Variants in ITGB3 observed in about 807,000 individuals in gnomAD.
The protein encoded by ITGB3 is integrin beta-3.
A neutral mutation model predicts 85.8 loss-of-function variants in ITGB3; 48 were observed. The observed-to-expected ratio is 0.56, with a 90% CI of 0.44 to 0.71. The LOEUF is 0.71. Among genes scored for constraint, ITGB3 ranks in the 30% least tolerant of loss-of-function variants. The pLI is 0.00. For synonymous variants in ITGB3, 363 were observed against 395.6 expected, an observed-to-expected ratio of 0.92 and a Z score of 0.98; for missense variants, 861 against 1,019.1, an observed-to-expected ratio of 0.84 and a Z score of 2.11.
intron 1 of ITGB3, among the ~76,000 whole-genome samples, chr17:47,263,637 G>A (rs1033389130): frequency 3.9e-5 from 6 of 152,096 alleles, no homozygotes; most frequent in South Asian, 2.1e-4. Context: ...TTACAGGTGC[G>A]TGCCACCATG....
In ITGB3 at chr17:47,286,323, G is replaced by A. The variant is rs201877624; in HGVS notation, c.678G>A (p.Val226=). ...ACGTGCTGACGCTAACTGACCAGGT[G>A]ACCCGCTTCAATGAGGAAGTGAAGA... ...YKHVLTLTDQ[V]TRFNEEVKKQ... The change falls in exon 5 of 15, where the codon GTG becomes GTA. Residue 226 remains valine (V), a synonymous_variant. Transcript: ENST00000559488. 1.1e-5 allele frequency: 17 copies of A among 1,614,204 alleles called. No individual in the cohort carries two copies. In the Admixed American group the frequency reaches 2.0e-4, roughly 19 times the overall value.
chr17:47,255,199 G>C (rs2064984706), intron 1 of ITGB3, among the ~76,000 whole-genome samples: 2 of 151,914 alleles, frequency 1.3e-5, no homozygotes, highest in Admixed American at 1.3e-4. Flanking sequence ...GGCTGGTCTG[G>C]AGCTCCTGGC....
rs1379660594 is a variant in ITGB3, at chr17:47,303,277, C to CA, written c.2134+446dup. On this transcript the variant is annotated intron_variant, in intron 13 of 14. Transcript: ENST00000559488. Reference sequence around the variant, plus strand: ...AAAAACAAACAAACAACAACAACAACAAAAAAAAACGATAAGTTAGGGACC... The same window carrying CA: ...AAAAACAAACAAACAACAACAACAACAAAAAAAAAACGATAAGTTAGGGACC... Among the ~76,000 whole-genome samples, 208 of 148,750 alleles carry CA rather than the reference C, an allele frequency of 1.4e-3. No individual in the cohort carries two copies. In the Middle Eastern group the frequency reaches 0.017, roughly 12 times the overall value.
At chr17:47,289,527 G>A (rs1006424245) in intron 6 of ITGB3, among the ~76,000 whole-genome samples, 154 bp from the exon 7 acceptor site, 18 of 152,118 alleles carry the variant, frequency 1.2e-4, no homozygotes, top group Non-Finnish European at 2.5e-4. Context: ...GTCTTGCTAT[G>A]TTGCCCAGGC....
At chr17:47,272,119 T>C (rs2065046243) in intron 1 of ITGB3, among the ~76,000 whole-genome samples, 1 of 140,026 alleles carries the variant, frequency 7.1e-6, no homozygotes, top group African/African-American at 2.7e-5. Context: ...GCAGTGACAC[T>C]ATCTTGGCTC....
intron 12 of ITGB3, among the ~76,000 whole-genome samples, chr17:47,301,098 C>G (rs1319848185): frequency 6.6e-6 from 1 of 152,180 alleles, no homozygotes; most frequent in Non-Finnish European, 1.5e-5. Context: ...TTCTGCCTCT[C>G]TGGGGCCCCT....
At chr17:47,284,034 T>G (rs763882441) in intron 3 of ITGB3, among the ~76,000 whole-genome samples, 1 of 152,176 alleles carries the variant, frequency 6.6e-6, no homozygotes, top group Non-Finnish European at 1.5e-5. Flanking sequence ...GAAGCATTGA[T>G]TTTGACTTTC....
In ITGB3 at chr17:47,288,630, C is replaced by T. The variant is rs149177539; in HGVS notation, c.940-1051C>T. Reference sequence around the variant, plus strand: ...GTCTAGGATCCCATGGACATGTTCACGATTCACCACCGCCCCCGCACAGTG... The same window carrying T: ...GTCTAGGATCCCATGGACATGTTCATGATTCACCACCGCCCCCGCACAGTG... On this transcript the variant is annotated intron_variant, in intron 6 of 14. Transcript: ENST00000559488. 2.7e-3 allele frequency among the ~76,000 whole-genome samples: 409 copies of T among 152,172 alleles called. 2 individuals are homozygous for T. Among genetic ancestry groups the T allele is most frequent in the African/African-American group, 9.4e-3 (389 of 41,522 alleles).
At chr17:47,289,822 G>A (rs1449431232) in intron 7 of ITGB3, 46 bp downstream of exon 7, 6 of 1,378,426 alleles carry the variant, frequency 4.4e-6, no homozygotes, top group Non-Finnish European at 6.2e-6. Flanking sequence ...GTGATGGTGG[G>A]TGCCCCAGGT....
intron 1 of ITGB3, 139 bp downstream of exon 1, chr17:47,254,079 G>A (rs2064978399): frequency 4.0e-6 from 2 of 500,876 alleles, no homozygotes; most frequent in Admixed American, 4.6e-5. Context: ...TGGCTGGCGC[G>A]GTCGGAGCCG....
intron 1 of ITGB3, among the ~76,000 whole-genome samples, chr17:47,273,656 A>C (rs927829778): frequency 6.6e-6 from 1 of 152,236 alleles, no homozygotes; most frequent in South Asian, 2.1e-4. Context: ...TTCTTGTACA[A>C]ATCCTGAGAG....
In ITGB3 at chr17:47,310,592, G is replaced by C. The variant is rs1446446536; in HGVS notation, c.*388G>C. 5 of 338,742 alleles carry C rather than the reference G, an allele frequency of 1.5e-5. No individual in the cohort carries two copies. Among genetic ancestry groups the C allele is most frequent in the African/African-American group, 1.1e-4 (5 of 46,884 alleles). The allele number at this position is 338,742 out of a possible 1,614,324, so 21.0% of individuals were successfully genotyped here. On this transcript the variant is annotated 3_prime_UTR_variant, in exon 15 of 15. Coordinates refer to ENST00000559488, the MANE Select transcript of ITGB3 (RefSeq NM_000212.3). Reference sequence around the variant, plus strand: ...ATCAGGCCATTGTCCCTGAAGAGAAGGGCAGGGCTGAGGCCTCTCATTCCA... The same window carrying C: ...ATCAGGCCATTGTCCCTGAAGAGAACGGCAGGGCTGAGGCCTCTCATTCCA...
intron 9 of ITGB3, chr17:47,291,430 A>C (rs1480474117): frequency 1.9e-6 from 1 of 513,960 alleles, no homozygotes; most frequent in African/African-American, 1.9e-5. Context: ...TTTCCAAGGT[A>C]ATTAATACCT....
At chr17:47,281,610 G>A (rs892412736) in intron 2 of ITGB3, among the ~76,000 whole-genome samples, 9 of 152,146 alleles carry the variant, frequency 5.9e-5, no homozygotes, top group African/African-American at 2.2e-4. Flanking sequence ...CCAGGGGGCC[G>A]TGGGTTTTTG....
At chr17:47,302,878 A>T in intron 13 of ITGB3, 38 bp downstream of exon 13, 1 of 1,612,424 alleles carries the variant, frequency 6.2e-7, no homozygotes. Context: ...CTGCCCCAGG[A>T]GGGAGAGGGA....
At chr17:47,269,182 G>A (rs888504844) in intron 1 of ITGB3, among the ~76,000 whole-genome samples, 1 of 152,172 alleles carries the variant, frequency 6.6e-6, no homozygotes, top group Non-Finnish European at 1.5e-5. Context: ...TTCCTCTTAG[G>A]CCTCTGTGCC....
rs751720630 is a variant in ITGB3, at chr17:47,307,499, G to T, written c.2163G>T (p.Val721=). The T allele has an allele frequency of 2.6e-5, 42 of 1,613,934 alleles. No individual in the cohort carries two copies. Among genetic ancestry groups the T allele is most frequent in the Non-Finnish European group, 3.6e-5 (42 of 1,180,022 alleles). Residue 721 remains valine, a synonymous_variant, in exon 14 of 15, where the codon GTG becomes GTT. Transcript: ENST00000559488. ...PECPKGPDIL[V]VLLSVMGAIL... ...GTCCCAAGGGCCCTGACATCCTGGT[G>T]GTCCTGCTCTCAGTGATGGGGGCCA...
At chr17:47,259,473 AC>A (rs1304471389) in intron 1 of ITGB3, 1 of 151,174 alleles carries the variant, frequency 6.6e-6, no homozygotes, top group African/African-American at 2.4e-5. Flanking sequence ...CTATTTACTT[AC>A]CCCCCTCTCT....
At chr17:47,293,615 C>CTT (rs200767914) in intron 10 of ITGB3, among the ~76,000 whole-genome samples, 5 of 144,876 alleles carry the variant, frequency 3.5e-5, no homozygotes, top group South Asian at 2.2e-4. Context: ...CATTGGGGTT[C>CTT]TTTTTTTTTT....
Sources: allele counts gnomAD v4.1 joint callset (sites outside exome capture counted in the v4.1 genomes callset), GRCh38; gene constraint gnomAD v4.1.1; transcripts MANE v1.5; gene names NCBI Gene and HGNC (gene_info 2026-07-23, HGNC 2026-07-21).